Variants in SCUBE1 observed in about 807,000 individuals in gnomAD.
SCUBE1 encodes the protein signal peptide, CUB domain and EGF like domain containing 1.
Under a neutral mutation model 124.4 loss-of-function variants are expected in SCUBE1, and 59 were observed. The observed-to-expected ratio is 0.47, with a 90% confidence interval of 0.38 to 0.59. The LOEUF (loss-of-function observed/expected upper bound fraction) is 0.59, where lower values mean the gene tolerates loss of function less well. SCUBE1 is among the 20% of genes least tolerant of loss of function. SCUBE1 has a pLI of 0.00. For synonymous variants in SCUBE1, 545 were observed against 550.9 expected (o/e 0.99, Z 0.15); for missense variants, 1,150 against 1,371.2 (o/e 0.84, Z 2.55).
chr22:43,275,301 C>CGCGCTGGGCGTCCCTCTCCTG (rs1924459654), intron 4 of SCUBE1, among the ~76,000 whole-genome samples: 1 of 152,196 alleles, frequency 6.6e-6, no homozygotes, highest in Non-Finnish European at 1.5e-5. Flanking sequence ...CAAACCACGA[C>CGCGCTGGGCGTCCCTCTCCTG]GCGCTGGGCG....
intron 1 of SCUBE1, among the ~76,000 whole-genome samples, chr22:43,342,759 T>C (rs961498135): frequency 5.9e-5 from 9 of 151,834 alleles, no homozygotes; most frequent in Admixed American, 2.0e-4. Flanking sequence ...GGTCTCTCGG[T>C]CCGTCCCTTT....
chr22:43,281,452 A>ACCTCCC (rs1491520197), intron 4 of SCUBE1, among the ~76,000 whole-genome samples: 8 of 46,946 alleles, frequency 1.7e-4, no homozygotes, highest in East Asian at 7.5e-3. Flanking sequence ...CCCTCCTGTC[A>ACCTCCC]TCTCCCTCAG....
intron 3 of SCUBE1, among the ~76,000 whole-genome samples, chr22:43,291,417 T>C (rs1925352266): frequency 6.6e-6 from 1 of 151,870 alleles, no homozygotes; most frequent in Non-Finnish European, 1.5e-5. Flanking sequence ...AGTGGTACAG[T>C]GGGCCTCCAT....
rs201935926 is a variant in SCUBE1 at position 43,258,184 on chromosome 22, C to T, written c.727+35G>A. ...CGCATGGGGGGTCGGGGGCGGGGGGCGCAAGGGTGGTGTGTGGCAGAGGTG... is the reference window on the plus strand; with the variant it reads ...CGCATGGGGGGTCGGGGGCGGGGGGTGCAAGGGTGGTGTGTGGCAGAGGTG... On this transcript the variant is annotated intron_variant, in intron 6 of 21. Transcript: ENST00000360835. The surrounding 1 kb of genome is among the most constrained non-coding windows in gnomAD (Gnocchi z 5.0). 141 of 1,438,318 alleles carry T rather than the reference C, an allele frequency of 9.8e-5. No individual in the cohort carries two copies. In the East Asian group the frequency reaches 2.7e-3, roughly 28 times the overall value. 89.1% of individuals were successfully genotyped at this position (1,438,318 alleles called of 1,614,324 possible).
chr22:43,253,558 C>T (rs1923540952), intron 6 of SCUBE1, among the ~76,000 whole-genome samples: 1 of 152,134 alleles, frequency 6.6e-6, no homozygotes. Flanking sequence ...GCACAGAGAT[C>T]TCCTTGATGT....
At position 43,281,540 on chromosome 22, in the gene SCUBE1, TCACCC is replaced by T. The variant is rs1569011093; in HGVS notation, c.484+9501_484+9505del. Among the ~76,000 whole-genome samples, 87 of 40,766 alleles carry T rather than the reference TCACCC, an allele frequency of 2.1e-3. 5 individuals carry two copies. Among genetic ancestry groups the T allele is most frequent in the East Asian group, 0.016 (8 of 502 alleles). The allele number at this position is 40,766 out of a possible 152,430, so 26.7% of individuals were successfully genotyped here. ...GCCACCCTCCTGTCACCTCCCTCAG[TCACCC>T]TCCTGTCACCTCCCCCTCAGCCACC... On this transcript the variant is annotated intron_variant, in intron 4 of 21. Transcript: ENST00000360835.
At chr22:43,312,725 G>C (rs1926214222) in intron 3 of SCUBE1, among the ~76,000 whole-genome samples, 2 of 152,176 alleles carry the variant, frequency 1.3e-5, no homozygotes, top group Non-Finnish European at 1.5e-5. Context: ...GCTCTCTAGA[G>C]CAAGGGGTGC....
rs1282215318 is a variant in SCUBE1 at position 43,343,327 on chromosome 22, C to T, written c.-66G>A. The T allele has an allele frequency of 2.5e-6, 2 of 790,574 alleles. No homozygotes were observed. Among genetic ancestry groups the T allele is most frequent in the African/African-American group, 1.9e-5 (1 of 53,296 alleles). The allele number at this position is 790,574 out of a possible 1,614,324, so 49.0% of individuals were successfully genotyped here. ...GCGGGGACCCGACCGACCGGCCGCT[C>T]CCGCAGGCGCTGCTCGCTGCTCGCC... is the stretch of plus-strand genomic sequence containing the variant. On this transcript the variant is annotated 5_prime_UTR_variant, in exon 1 of 22. Transcript: ENST00000360835.
intron 9 of SCUBE1, among the ~76,000 whole-genome samples, chr22:43,228,635 C>T (rs12483854): frequency 0.1 from 15,692 of 152,232 alleles, 1,051 homozygotes; most frequent in Admixed American, 0.17. Flanking sequence ...CTTTCTCATG[C>T]GGATCCCTCT....
intron 3 of SCUBE1, among the ~76,000 whole-genome samples, chr22:43,292,713 T>C (rs1474214546): frequency 1.3e-5 from 2 of 152,198 alleles, no homozygotes; most frequent in African/African-American, 4.8e-5. Flanking sequence ...GGGAGAGGAC[T>C]TGGCTGTGGA....
intron 4 of SCUBE1, among the ~76,000 whole-genome samples, chr22:43,267,505 A>G (rs1924119496): frequency 6.6e-6 from 1 of 152,242 alleles, no homozygotes; most frequent in African/African-American, 2.4e-5. Context: ...GGAAATTCGC[A>G]GCACATGATA....
At chr22:43,265,483 C>A (rs1443003459) in intron 4 of SCUBE1, among the ~76,000 whole-genome samples, 1 of 152,200 alleles carries the variant, frequency 6.6e-6, no homozygotes, top group Non-Finnish European at 1.5e-5. Context: ...CCTTCGTCTC[C>A]CACCTAAAGA....
At chr22:43,280,728 ACCTTCCTCCT>A (rs879840881) in intron 4 of SCUBE1, among the ~76,000 whole-genome samples, 44,800 of 145,552 alleles carry the variant, frequency 0.31, 7,398 homozygotes, top group Admixed American at 0.42. Flanking sequence ...CCCTCCTGTC[ACCTTCCTCCT>A]CGGCCACCCT....
intron 7 of SCUBE1, chr22:43,233,292 A>C (rs929328707): frequency 2.6e-5 from 4 of 152,294 alleles, no homozygotes; most frequent in Non-Finnish European, 5.9e-5. Flanking sequence ...TGAACCCAGG[A>C]GGTGGAGGTT....
chr22:43,245,281 G>T (rs916259), intron 6 of SCUBE1, among the ~76,000 whole-genome samples: 1 of 152,142 alleles, frequency 6.6e-6, no homozygotes, highest in Non-Finnish European at 1.5e-5. Flanking sequence ...GAGGGAACTT[G>T]ACACCCTCAG....
In SCUBE1 at chr22:43,198,570, C is replaced by T. The variant is rs1376125118; in HGVS notation, c.*5427G>A. 2 of 456,774 alleles carry T rather than the reference C, an allele frequency of 4.4e-6. No individual in the cohort carries two copies. Among genetic ancestry groups the T allele is most frequent in the Middle Eastern group, 3.3e-4 (1 of 3,076 alleles). The allele number at this position is 456,774 out of a possible 1,614,324, so 28.3% of individuals were successfully genotyped here. A position where few individuals can be genotyped will look rare whatever the true frequency, so the allele number is the denominator to read the frequency against. On this transcript the variant is annotated 3_prime_UTR_variant, in exon 22 of 22. Coordinates refer to ENST00000360835, the MANE Select transcript of SCUBE1 (RefSeq NM_173050.5). Reference sequence around the variant, plus strand: ...GCTCTCTCTCCACATCCTCACTCCACCCCTCATTACATCCTCTGCCCTTGG... The same window carrying T: ...GCTCTCTCTCCACATCCTCACTCCATCCCTCATTACATCCTCTGCCCTTGG...
intron 3 of SCUBE1, among the ~76,000 whole-genome samples, chr22:43,318,928 G>T (rs1926444817): frequency 6.6e-6 from 1 of 152,042 alleles, no homozygotes; most frequent in Non-Finnish European, 1.5e-5. Context: ...TGCCATGTTG[G>T]TCAGGCTGGT....
chr22:43,328,194 G>C (rs1432967183), intron 2 of SCUBE1, among the ~76,000 whole-genome samples: 1 of 152,160 alleles, frequency 6.6e-6, no homozygotes, highest in African/African-American at 2.4e-5. Flanking sequence ...GCCCTTGCTG[G>C]GGGCTGCTCC....
chr22:43,306,858 C>T (rs1044253523), intron 3 of SCUBE1, among the ~76,000 whole-genome samples: 4 of 152,172 alleles, frequency 2.6e-5, no homozygotes, highest in South Asian at 2.1e-4. Flanking sequence ...GAGCCAGGCA[C>T]GGAGAAGTGG....
Sources: allele counts gnomAD v4.1 joint callset (sites outside exome capture counted in the v4.1 genomes callset), GRCh38; gene constraint gnomAD v4.1.1; non-coding constraint Gnocchi (gnomAD v3.1); transcripts MANE v1.5; gene names NCBI Gene and HGNC (gene_info 2026-07-23, HGNC 2026-07-21).